SLC17A5: variants seen among roughly 807,000 people sequenced by gnomAD.
The protein encoded by SLC17A5 is solute carrier family 17 member 5.
In SLC17A5, 47 loss-of-function variants were observed where a neutral mutation model predicts 59.4. The observed-to-expected ratio is 0.79, with a 90% CI of 0.63 to 1.01. The LOEUF (loss-of-function observed/expected upper bound fraction) is 1.01, where lower values mean the gene tolerates loss of function less well. Among genes scored for constraint, SLC17A5 ranks in the 50% least tolerant of loss-of-function variants. The probability of loss-of-function intolerance (pLI) is 0.00; values close to 1 mark genes in which losing one functional copy is unlikely to be tolerated. For synonymous variants in SLC17A5, 202 were observed against 210.7 expected (o/e 0.96, Z 0.36); for missense variants, 522 against 595.5 (o/e 0.88, Z 1.28).
At chr6:73,605,676 GATAA>G (rs1767359661) in intron 9 of SLC17A5, among the ~76,000 whole-genome samples, 2 of 145,690 alleles carry the variant, frequency 1.4e-5, no homozygotes, top group South Asian at 2.1e-4. Context: ...CACTAAGGGA[GATAA>G]ATAATTTTGA....
chr6:73,633,764 C>T (rs1187240054), intron 6 of SLC17A5, among the ~76,000 whole-genome samples: 1 of 151,726 alleles, frequency 6.6e-6, no homozygotes, highest in African/African-American at 2.4e-5. Context: ...CCTGTAATCC[C>T]AGCAACTCAG....
At chr6:73,627,410 A>G (rs1768478315) in intron 6 of SLC17A5, among the ~76,000 whole-genome samples, 1 of 152,106 alleles carries the variant, frequency 6.6e-6, no homozygotes, top group Non-Finnish European at 1.5e-5. Flanking sequence ...TTAAATTAAA[A>G]ATATAACAGC....
intron 1 of SLC17A5, among the ~76,000 whole-genome samples, chr6:73,652,228 T>C (rs985783211): frequency 6.6e-6 from 1 of 152,182 alleles, no homozygotes; most frequent in African/African-American, 2.4e-5. Flanking sequence ...TACCATAAGA[T>C]CCATACACTC....
At chr6:73,597,754 C>G (rs919882491) in intron 10 of SLC17A5, among the ~76,000 whole-genome samples, 4 of 152,046 alleles carry the variant, frequency 2.6e-5, no homozygotes, top group African/African-American at 9.7e-5. Context: ...CCACTGCACT[C>G]TAGCCTGGGC....
At chr6:73,638,107 A>C (rs1436488358) in intron 4 of SLC17A5, among the ~76,000 whole-genome samples, 1 of 151,938 alleles carries the variant, frequency 6.6e-6, no homozygotes, top group Non-Finnish European at 1.5e-5. Flanking sequence ...AAAATTTAAA[A>C]CCCCCAAAAA....
chr6:73,596,621 C>A (rs1052873389), intron 10 of SLC17A5, among the ~76,000 whole-genome samples: 1 of 152,134 alleles, frequency 6.6e-6, no homozygotes, highest in Non-Finnish European at 1.5e-5. Flanking sequence ...CTTTGGGAGG[C>A]CGAGGCGGGC....
intron 6 of SLC17A5, among the ~76,000 whole-genome samples, chr6:73,622,556 C>T (rs766708): frequency 0.16 from 24,604 of 152,050 alleles, 3,038 homozygotes; most frequent in African/African-American, 0.34. Flanking sequence ...ACCCAAAGTG[C>T]TGGGATTACA....
intron 3 of SLC17A5, among the ~76,000 whole-genome samples, chr6:73,638,987 A>G (rs1268841649): frequency 2.0e-5 from 3 of 152,224 alleles, no homozygotes; most frequent in African/African-American, 7.2e-5. Flanking sequence ...AATATTACTA[A>G]CTTATAACTT....
rs868677428 is a variant in SLC17A5 at position 73,610,435 on chromosome 6, AG to A, written c.1223del (p.Ser408LeufsTer40). On this transcript the variant is annotated frameshift_variant, in exon 9 of 11. Transcript: ENST00000355773. LOFTEE classifies it high-confidence loss of function. ...TATCCAGATGGTTGATGCTAAATCC[AG>A]AAGAGCAAAAGCCTCCCAGTGTTGT... ...ISTTLGGFCS[S>X]GFSINHLDIA... 1.2e-6 allele frequency: 2 copies of A among 1,614,188 alleles called. No individual in the cohort carries two copies. Among genetic ancestry groups the A allele is most frequent in the Non-Finnish European group, 1.7e-6 (2 of 1,180,028 alleles).
chr6:73,610,290 T>C, intron 9 of SLC17A5, 110 bp downstream of exon 9: 1 of 1,325,188 alleles, frequency 7.5e-7, no homozygotes, highest in Non-Finnish European at 1.1e-6. Context: ...TGCCTTGGCC[T>C]CCCAAAGTGC....
chr6:73,621,073 C>G (rs1442001203), intron 7 of SLC17A5, among the ~76,000 whole-genome samples: 1 of 151,498 alleles, frequency 6.6e-6, no homozygotes, highest in African/African-American at 2.4e-5. Context: ...TGGCTTGATC[C>G]TGGGTCACCA....
chr6:73,611,262 T>A (rs887206670), intron 8 of SLC17A5, among the ~76,000 whole-genome samples: 3 of 152,082 alleles, frequency 2.0e-5, no homozygotes, highest in African/African-American at 7.2e-5. Flanking sequence ...AAAGATTTTT[T>A]AAAATCTCTG....
intron 2 of SLC17A5, among the ~76,000 whole-genome samples, chr6:73,642,279 C>A (rs498990): frequency 6.6e-6 from 1 of 151,678 alleles, no homozygotes; most frequent in Non-Finnish European, 1.5e-5. Flanking sequence ...GAGGCTGCCG[C>A]CCCCCCGGCC....
intron 1 of SLC17A5, among the ~76,000 whole-genome samples, chr6:73,646,945 GA>G (rs1769604808): frequency 3.9e-5 from 6 of 152,108 alleles, no homozygotes; most frequent in Admixed American, 3.9e-4. Flanking sequence ...CAAAGCACTG[GA>G]ATTATAGACG....
In SLC17A5 at chr6:73,653,784, G is replaced by T. The variant is rs1230536851; in HGVS notation, c.94+9C>A. 6 of 1,578,692 alleles carry T rather than the reference G, an allele frequency of 3.8e-6. No individual in the cohort carries two copies. The Admixed American group carries it at 1.1e-4, about 28-fold the overall frequency. ...CCACTCGAAGCCCCTGGACGACCCC[G>T]CCGCTTACCGGCTTCGGCCCGTGGG... On this transcript the variant is annotated intron_variant, in intron 1 of 10. Transcript: ENST00000355773.
Position 73,600,358 on chromosome 6 carries a change from GT to G in SLC17A5, c.1342del (p.Thr448ProfsTer54). The G allele has an allele frequency of 6.2e-7, 1 of 1,612,818 alleles. No homozygotes were observed. Among genetic ancestry groups the G allele is most frequent in the Non-Finnish European group, 8.5e-7 (1 of 1,178,876 alleles). On this transcript the variant is annotated frameshift_variant, in exon 10 of 11. Coordinates refer to ENST00000355773, the MANE Select transcript of SLC17A5 (RefSeq NM_012434.5). LOFTEE classifies it high-confidence loss of function. ...MVGPVIAKSL[T>X]PDNTVGEWQT... ...AGTAAATTATCTACTTACATCAGGGGTCAGACTTTTAGCAATGACGGGCCCA... is the reference window on the plus strand; with the variant it reads ...AGTAAATTATCTACTTACATCAGGGGCAGACTTTTAGCAATGACGGGCCCA...
intron 10 of SLC17A5, among the ~76,000 whole-genome samples, chr6:73,599,230 G>A (rs536260688): frequency 6.6e-6 from 1 of 150,938 alleles, no homozygotes; most frequent in African/African-American, 2.4e-5. Context: ...TTATTTTTTT[G>A]AGACAGGGTC....
chr6:73,610,506 T>C lies in SLC17A5; in HGVS notation c.1153A>G (p.Ile385Val), dbSNP rs1193649596. 5.6e-6 allele frequency: 9 copies of C among 1,614,014 alleles called. No homozygotes were observed. In the African/African-American group the frequency reaches 8.0e-5, roughly 14 times the overall value. The change falls in exon 9 of 11, where the codon ATT becomes GTT. Residue 385 changes from isoleucine to valine, a missense_variant. Around this residue, in one of 3 missense-constraint regions of SLC17A5, gnomAD observed 153 missense variants for 168.5 expected, o/e 0.91. Coordinates refer to ENST00000355773, the MANE Select transcript of SLC17A5 (RefSeq NM_012434.5). ...PAVFLVAAGF[I>V]GCDYSLAVAF... Reference sequence around the variant, plus strand: ...ACGGCCAAAGAATAATCACAGCCAATGAAGCCAGCAGCTACCAGGAATACT... The same window carrying C: ...ACGGCCAAAGAATAATCACAGCCAACGAAGCCAGCAGCTACCAGGAATACT...
chr6:73,630,809 G>A (rs998967024), intron 6 of SLC17A5, among the ~76,000 whole-genome samples: 8 of 152,168 alleles, frequency 5.3e-5, no homozygotes, highest in African/African-American at 1.9e-4. Flanking sequence ...CACTTCGGGA[G>A]ATGAAGGCGG....
Sources: allele counts gnomAD v4.1 joint callset (sites outside exome capture counted in the v4.1 genomes callset), GRCh38; gene constraint gnomAD v4.1.1; regional missense constraint gnomAD v4.1.1; transcripts MANE v1.5; gene names NCBI Gene and HGNC (gene_info 2026-07-23, HGNC 2026-07-21).